The following TMC1 variants were observed in gnomAD, a reference collection of about 807,000 sequenced individuals.
The protein encoded by TMC1 is transmembrane channel like 1, also known as transmembrane channel-like protein 1.
A neutral mutation model predicts 105.8 loss-of-function variants in TMC1; 84 were observed. The observed-to-expected ratio is 0.79, with a 90% CI of 0.67 to 0.95. TMC1 has a LOEUF of 0.95. Ranked by LOEUF, TMC1 falls within the 40% of genes least tolerant of loss-of-function variation. The pLI, the probability that TMC1 is intolerant of heterozygous loss-of-function variation, is 0.00. For missense variants in TMC1, 817 were observed against 914.1 expected, an observed-to-expected ratio of 0.89 and a Z score of 1.37; for synonymous variants, 315 against 311.5, an observed-to-expected ratio of 1.01 and a Z score of -0.12.
At chr9:72,715,483 C>G (rs913506346) in intron 8 of TMC1, among the ~76,000 whole-genome samples, 3 of 151,970 alleles carry the variant, frequency 2.0e-5, no homozygotes, top group African/African-American at 7.2e-5. Context: ...TTTATCTAAT[C>G]TTGTCTTCTT....
intron 5 of TMC1, among the ~76,000 whole-genome samples, chr9:72,680,618 T>C (rs1826270904): frequency 6.6e-6 from 1 of 152,130 alleles, no homozygotes; most frequent in South Asian, 2.1e-4. Flanking sequence ...AAACTATGAA[T>C]CTAAGTTCTA....
chr9:72,640,771 A>G (rs1468019458), intron 4 of TMC1, among the ~76,000 whole-genome samples: 5 of 151,452 alleles, frequency 3.3e-5, no homozygotes, highest in Non-Finnish European at 5.9e-5. Context: ...AGCTGGGACT[A>G]CAGGCGCCCG....
intron 8 of TMC1, among the ~76,000 whole-genome samples, chr9:72,739,645 C>CA (rs990405909): frequency 2.0e-5 from 3 of 150,784 alleles, no homozygotes; most frequent in African/African-American, 7.3e-5. Context: ...GTCATAATTG[C>CA]TTTTTTTTTA....
At chr9:72,781,866 C>T (rs1338377557) in intron 13 of TMC1, among the ~76,000 whole-genome samples, 1 of 152,108 alleles carries the variant, frequency 6.6e-6, no homozygotes, top group African/African-American at 2.4e-5. Flanking sequence ...AATTCACAGC[C>T]AAATTCTACC....
At chr9:72,579,134 T>G (rs758844900) in intron 2 of TMC1, among the ~76,000 whole-genome samples, 17 of 152,234 alleles carry the variant, frequency 1.1e-4, no homozygotes, top group Non-Finnish European at 2.2e-4. Context: ...TGTAATCACA[T>G]TACTTATAAC....
intron 12 of TMC1, among the ~76,000 whole-genome samples, chr9:72,758,271 A>G (rs1227698237): frequency 6.6e-6 from 1 of 152,206 alleles, no homozygotes; most frequent in African/African-American, 2.4e-5. Flanking sequence ...AGCCCATCCT[A>G]CAATAAGCTA....
chr9:72,593,703 A>C (rs1354582558), intron 2 of TMC1, among the ~76,000 whole-genome samples: 1 of 150,962 alleles, frequency 6.6e-6, no homozygotes, highest in African/African-American at 2.4e-5. Context: ...CAAGACCCCC[A>C]TTTCTATTTT....
chr9:72,751,794 T>G, intron 10 of TMC1, 56 bp from the exon 11 acceptor site: 1 of 1,148,580 alleles, frequency 8.7e-7, no homozygotes, highest in Non-Finnish European at 1.3e-6. Flanking sequence ...CAAAGCTCTT[T>G]TTGTTTGTTT....
intron 5 of TMC1, among the ~76,000 whole-genome samples, chr9:72,680,381 G>T (rs1826266759): frequency 6.6e-6 from 1 of 152,028 alleles, no homozygotes. Context: ...CTAGAATTCA[G>T]AATTCTTTTT....
chr9:72,733,905 T>G (rs1223675098), intron 8 of TMC1, among the ~76,000 whole-genome samples: 1 of 152,196 alleles, frequency 6.6e-6, no homozygotes, highest in African/African-American at 2.4e-5. Context: ...AAGGAGGCAC[T>G]TTGTGGCTTC....
At chr9:72,831,716 C>G (rs548692776) in intron 23 of TMC1, among the ~76,000 whole-genome samples, 1 of 152,142 alleles carries the variant, frequency 6.6e-6, no homozygotes, top group South Asian at 2.1e-4. Flanking sequence ...CGATAGTTTG[C>G]TGAGAATGAT....
intron 5 of TMC1, among the ~76,000 whole-genome samples, chr9:72,675,693 A>G (rs1826191902): frequency 6.6e-6 from 1 of 152,176 alleles, no homozygotes; most frequent in Non-Finnish European, 1.5e-5. Context: ...ATCACTTACA[A>G]TCAGGATACT....
chr9:72,759,595 A>T (rs1269271569), intron 12 of TMC1, among the ~76,000 whole-genome samples: 1 of 152,138 alleles, frequency 6.6e-6, no homozygotes, highest in Non-Finnish European at 1.5e-5. Flanking sequence ...TGGGATGCTC[A>T]TCTGGTCTGC....
At chr9:72,680,819 A>G (rs1826274668) in intron 5 of TMC1, among the ~76,000 whole-genome samples, 1 of 152,152 alleles carries the variant, frequency 6.6e-6, no homozygotes, top group Non-Finnish European at 1.5e-5. Flanking sequence ...AGTGCTACAA[A>G]GGAAGGGTAA....
chr9:72,697,790 T>C (rs947283807), intron 7 of TMC1, among the ~76,000 whole-genome samples: 8 of 152,126 alleles, frequency 5.3e-5, no homozygotes, highest in Non-Finnish European at 1.2e-4. Context: ...GTTGGCAAGT[T>C]AAAGGCTTAA....
chr9:72,636,325 G>A (rs1825533798), intron 4 of TMC1, among the ~76,000 whole-genome samples: 1 of 152,080 alleles, frequency 6.6e-6, no homozygotes, highest in African/African-American at 2.4e-5. Flanking sequence ...AAATAAAATG[G>A]CACAGTTTGG....
At chr9:72,588,357 G>A (rs898306246) in intron 2 of TMC1, among the ~76,000 whole-genome samples, 1 of 152,084 alleles carries the variant, frequency 6.6e-6, no homozygotes, top group African/African-American at 2.4e-5. Flanking sequence ...TATACCATGG[G>A]GCATCAGTTA....
intron 17 of TMC1, among the ~76,000 whole-genome samples, chr9:72,794,570 A>C (rs1178670836): frequency 6.6e-6 from 1 of 152,224 alleles, no homozygotes; most frequent in African/African-American, 2.4e-5. Context: ...CTTCAAATAA[A>C]GACCCTGTGC....
At chr9:72,705,779 C>A (rs75821225) in intron 8 of TMC1, among the ~76,000 whole-genome samples, 2 of 152,272 alleles carry the variant, frequency 1.3e-5, no homozygotes, top group South Asian at 2.1e-4. Flanking sequence ...TGGATAGACA[C>A]CATTTTAAAA....
Sources: allele counts gnomAD v4.1 joint callset (sites outside exome capture counted in the v4.1 genomes callset), GRCh38; gene constraint gnomAD v4.1.1; transcripts MANE v1.5; gene names NCBI Gene and HGNC (gene_info 2026-07-23, HGNC 2026-07-21).